The following BRCA1 variants were observed in gnomAD, a reference collection of about 807,000 sequenced individuals.
BRCA1 encodes the protein BRCA1 DNA repair associated.
Under a neutral mutation model 173.7 loss-of-function variants are expected in BRCA1, and 140 were observed. The ratio of observed to expected loss-of-function variants is 0.81; its 90% CI spans 0.70 to 0.93. The LOEUF is 0.93. Ranked by LOEUF, BRCA1 falls within the 40% of genes least tolerant of loss-of-function variation. The pLI, the probability that BRCA1 is intolerant of heterozygous loss-of-function variation, is 0.00. For synonymous variants in BRCA1, 662 were observed against 756.0 expected, an observed-to-expected ratio of 0.88 and a Z score of 2.04; for missense variants, 1,983 against 2,172.5, an observed-to-expected ratio of 0.91 and a Z score of 1.73.
intron 11 of BRCA1, among the ~76,000 whole-genome samples, chr17:43,085,455 G>A (rs1022816633): frequency 6.6e-6 from 1 of 152,098 alleles, no homozygotes; most frequent in Non-Finnish European, 1.5e-5. Context: ...ACTGCCATTA[G>A]GATAAAATTC....
At chr17:43,079,028 T>C (rs1597842738) in intron 12 of BRCA1, among the ~76,000 whole-genome samples, 1 of 152,082 alleles carries the variant, frequency 6.6e-6, no homozygotes, top group South Asian at 2.1e-4. Flanking sequence ...GGTGAAACCC[T>C]GTCTCTACTA....
At chr17:43,104,499 T>C (rs2054653220) in intron 5 of BRCA1, among the ~76,000 whole-genome samples, 1 of 152,196 alleles carries the variant, frequency 6.6e-6, no homozygotes, top group South Asian at 2.1e-4. Flanking sequence ...GTTTTCTACC[T>C]TAACACTAAG....
intron 18 of BRCA1, among the ~76,000 whole-genome samples, chr17:43,062,373 G>C (rs1300608133): frequency 6.6e-6 from 1 of 152,126 alleles, no homozygotes; most frequent in Non-Finnish European, 1.5e-5. Flanking sequence ...GAGATTATAA[G>C]TGTGAGCCAC....
chr17:43,074,392 C>T lies in BRCA1; in HGVS notation c.4614G>A (p.Gln1538=), dbSNP rs1555581876. 3 of 1,614,172 alleles carry T rather than the reference C, an allele frequency of 1.9e-6. No homozygotes were observed. The highest frequency in any genetic ancestry group is 2.5e-6 in the Non-Finnish European group (3 of 1,180,024). ...LIKVVDVEEQ[Q]LEESGPHDLT... is the part of the protein sequence containing the mutation. Reference sequence around the variant, plus strand: ...AATCGTGTGGCCCAGACTCTTCCAGCTGTTGCTCCTCCACATCAACAACCT... The same window carrying T: ...AATCGTGTGGCCCAGACTCTTCCAGTTGTTGCTCCTCCACATCAACAACCT... The change falls in exon 14 of 23, where the codon CAG becomes CAA. Residue 1538 remains glutamine, a synonymous_variant. Transcript: ENST00000357654.
At chr17:43,066,748 A>G (rs903559757) in intron 16 of BRCA1, among the ~76,000 whole-genome samples, 4 of 149,734 alleles carry the variant, frequency 2.7e-5, no homozygotes, top group Non-Finnish European at 5.9e-5. Context: ...CCACCTCACC[A>G]GTGTAGTCCC....
rs2050814984 is a variant in BRCA1, at chr17:43,044,983, TA to T, written c.*694del. 1 of 486,818 alleles carries T rather than the reference TA, an allele frequency of 2.1e-6. No homozygotes were observed. The highest frequency in any genetic ancestry group is 2.0e-5 in the African/African-American group (1 of 51,078). The allele number at this position is 486,818 out of a possible 1,614,324, so 30.2% of individuals were successfully genotyped here. A position where few individuals can be genotyped will look rare whatever the true frequency, so the allele number is the denominator to read the frequency against. Reference sequence around the variant, plus strand: ...CATGACCGGCTAATTTCTGTATTTTTAGTAGAGATGGGGTTTCACCATGTTG... The same window carrying T: ...CATGACCGGCTAATTTCTGTATTTTTGTAGAGATGGGGTTTCACCATGTTG... On this transcript the variant is annotated 3_prime_UTR_variant, in exon 23 of 23. Transcript: ENST00000357654.
intron 1 of BRCA1, among the ~76,000 whole-genome samples, chr17:43,154,256 C>T (rs2056181763): frequency 6.6e-6 from 1 of 151,720 alleles, no homozygotes; most frequent in South Asian, 2.1e-4. Context: ...GAGGCCAAGG[C>T]CGGCAGATCA....
At chr17:43,120,670 CAGG>C (rs1597918274) in intron 2 of BRCA1, among the ~76,000 whole-genome samples, 1 of 152,182 alleles carries the variant, frequency 6.6e-6, no homozygotes, top group East Asian at 1.9e-4. Flanking sequence ...GGGGCCGAGG[CAGG>C]AGAATGGCGT....
intron 14 of BRCA1, among the ~76,000 whole-genome samples, chr17:43,072,875 G>GTT (rs533819030): frequency 0.011 from 1,515 of 142,866 alleles, 20 homozygotes; most frequent in African/African-American, 0.035. Flanking sequence ...GCCCCAGCTA[G>GTT]TTTTTTTTTT....
upstream of BRCA1, among the ~76,000 whole-genome samples, chr17:43,126,875 C>T (rs1039957315): frequency 1.5e-4 from 23 of 152,050 alleles, no homozygotes; most frequent in African/African-American, 5.3e-4. Flanking sequence ...CTGCGCGCAG[C>T]GCTCGCCAGC....
chr17:43,132,256 A>G (rs1224965672), intron 1 of BRCA1, among the ~76,000 whole-genome samples: 1 of 152,096 alleles, frequency 6.6e-6, no homozygotes, highest in Non-Finnish European at 1.5e-5. Flanking sequence ...CTGAACATCA[A>G]TAAAATTCAA....
intron 1 of BRCA1, among the ~76,000 whole-genome samples, chr17:43,155,593 T>A (rs1309516540): frequency 6.6e-6 from 1 of 152,016 alleles, no homozygotes; most frequent in Non-Finnish European, 1.5e-5. Context: ...AGTGCAGTGG[T>A]GTGGTCTTGG....
At chr17:43,078,409 T>A (rs1359829857) in intron 12 of BRCA1, among the ~76,000 whole-genome samples, 1 of 152,180 alleles carries the variant, frequency 6.6e-6, no homozygotes, top group East Asian at 1.9e-4. Context: ...TAAACTCAAG[T>A]GATCCTCCTG....
intron 12 of BRCA1, chr17:43,079,501 T>A (rs935005234): frequency 6.8e-6 from 8 of 1,168,400 alleles, no homozygotes; most frequent in Middle Eastern, 1.9e-4. Context: ...GTCTACAACG[T>A]GACCCAGCAT....
intron 8 of BRCA1, among the ~76,000 whole-genome samples, chr17:43,096,990 A>G (rs912310691): frequency 2.0e-5 from 3 of 152,172 alleles, no homozygotes; most frequent in African/African-American, 7.2e-5. Context: ...TACTTGAGGG[A>G]GGAAGGTGGG....
At chr17:43,158,219 T>C (rs531518445) in intron 1 of BRCA1, among the ~76,000 whole-genome samples, 1 of 152,214 alleles carries the variant, frequency 6.6e-6, no homozygotes, top group African/African-American at 2.4e-5. Context: ...TAATGATAAA[T>C]GGATCCAAAT....
Position 43,067,420 on chromosome 17 carries a change from A to C in BRCA1, c.5074+188T>G, listed in dbSNP as rs1359808716. 1.2e-5 allele frequency: 6 copies of C among 485,304 alleles called. No homozygotes were observed. The Admixed American group carries it at 1.6e-4, about 13-fold the overall frequency. 30.1% of individuals were successfully genotyped at this position (485,304 alleles called of 1,614,324 possible). ...CAGGCGCACGCGACCACACCCAGCT[A>C]ATTTTTTTATTTTTTAGTAGAGACG... is the stretch of plus-strand genomic sequence containing the variant. On this transcript the variant is annotated intron_variant, in intron 16 of 22. Transcript: ENST00000357654.
At chr17:43,080,743 C>T (rs904559371) in intron 12 of BRCA1, among the ~76,000 whole-genome samples, 1 of 152,002 alleles carries the variant, frequency 6.6e-6, no homozygotes, top group Non-Finnish European at 1.5e-5. Flanking sequence ...GGTCGAGAGG[C>T]TGCAGTGAGC....
rs536209085 is a variant in BRCA1, at chr17:43,135,959, C to T, written c.-19-11844G>A. Among the ~76,000 whole-genome samples, 10 of 152,326 alleles carry T rather than the reference C, an allele frequency of 6.6e-5. 2 individuals carry two copies. Among genetic ancestry groups the T allele is most frequent in the African/African-American group, 2.2e-4 (9 of 41,582 alleles). On this transcript the variant is annotated intron_variant, in intron 1 of 7. Transcript: ENST00000634433. Reference sequence around the variant, plus strand: ...AGATGCCAGGGCACCTCTGCTTCCTCCCTGCTCTCTGCAGTACCGCAGAGT... The same window carrying T: ...AGATGCCAGGGCACCTCTGCTTCCTTCCTGCTCTCTGCAGTACCGCAGAGT...
Sources: gnomAD v4.1 joint callset for allele counts (sites outside exome capture counted in the v4.1 genomes callset) on GRCh38, gnomAD v4.1.1 for gene constraint, MANE v1.5 for transcripts, NCBI Gene and HGNC (gene_info 2026-07-23, HGNC 2026-07-21) for gene names.